The following NRXN1 variants were observed in gnomAD, a reference collection of about 807,000 sequenced individuals.
The protein encoded by NRXN1 is neurexin 1.
NRXN1 carries 39 observed loss-of-function variants against 150.9 expected under a neutral mutation model. The observed-to-expected ratio is 0.26, with a 90% CI of 0.20 to 0.34. NRXN1 has a LOEUF of 0.34. Among genes scored for constraint, NRXN1 ranks in the 10% least tolerant of loss-of-function variants. The pLI is 1.00. For synonymous variants in NRXN1, 924 were observed against 757.0 expected (o/e 1.22, Z -3.62); for missense variants, 1,815 against 1,949.9 (o/e 0.93, Z 1.30).
At chr2:49,959,622 T>C (rs1558584816) in intron 21 of NRXN1, among the ~76,000 whole-genome samples, 2 of 152,164 alleles carry the variant, frequency 1.3e-5, no homozygotes. Context: ...TGGTAGAACT[T>C]GTGTGATTTA....
At chr2:50,792,423 A>C (rs1263569759) in intron 5 of NRXN1, among the ~76,000 whole-genome samples, 2 of 152,066 alleles carry the variant, frequency 1.3e-5, no homozygotes, top group African/African-American at 4.8e-5. Flanking sequence ...ACCATTTAAT[A>C]TATTTTGAAG....
chr2:50,643,007 T>C (rs1684285944), intron 5 of NRXN1, among the ~76,000 whole-genome samples: 1 of 152,022 alleles, frequency 6.6e-6, no homozygotes, highest in South Asian at 2.1e-4. Context: ...TAAAATATTA[T>C]AAAGAGGCCT....
At chr2:50,608,026 G>A (rs1239830136) in intron 8 of NRXN1, among the ~76,000 whole-genome samples, 1 of 151,990 alleles carries the variant, frequency 6.6e-6, no homozygotes, top group Middle Eastern at 3.4e-3. Context: ...CTGGGGCCTG[G>A]GGGTAAATGA....
intron 5 of NRXN1, among the ~76,000 whole-genome samples, chr2:50,896,053 G>A (rs1681897901): frequency 1.3e-5 from 2 of 152,050 alleles, no homozygotes; most frequent in South Asian, 4.1e-4. Context: ...AAAAAGCCCT[G>A]ATAATGTGAA....
At chr2:50,182,720 C>G (rs1206766310) in intron 18 of NRXN1, among the ~76,000 whole-genome samples, 3 of 151,818 alleles carry the variant, frequency 2.0e-5, no homozygotes, top group Non-Finnish European at 4.4e-5. Context: ...CAGGGAGATA[C>G]AATAAAAATC....
At chr2:50,162,032 CA>C (rs1468433431) in intron 18 of NRXN1, among the ~76,000 whole-genome samples, 1 of 152,028 alleles carries the variant, frequency 6.6e-6, no homozygotes, top group Non-Finnish European at 1.5e-5. Flanking sequence ...TGACTTAATC[CA>C]ACCACTTGAT....
intron 5 of NRXN1, among the ~76,000 whole-genome samples, chr2:50,728,401 T>G (rs560174235): frequency 4.6e-5 from 7 of 152,264 alleles, no homozygotes; most frequent in African/African-American, 1.7e-4. Context: ...GAGTTTGAAT[T>G]GCACACAAAG....
intron 17 of NRXN1, among the ~76,000 whole-genome samples, chr2:50,293,490 A>G (rs1479332553): frequency 6.6e-6 from 1 of 152,152 alleles, no homozygotes; most frequent in African/African-American, 2.4e-5. Flanking sequence ...ACAGGGATCT[A>G]TGAAGCTATG....
chr2:50,842,099 C>A (rs1383734312), intron 5 of NRXN1, among the ~76,000 whole-genome samples: 1 of 152,200 alleles, frequency 6.6e-6, no homozygotes, highest in Non-Finnish European at 1.5e-5. Flanking sequence ...AAGTACCCAG[C>A]ATCTTTCTGG....
intron 17 of NRXN1, among the ~76,000 whole-genome samples, chr2:50,337,024 TTA>T (rs1355585016): frequency 6.6e-6 from 1 of 151,922 alleles, no homozygotes; most frequent in African/African-American, 2.4e-5. Context: ...TCAGAATAAA[TTA>T]TGTTTATTGA....
In NRXN1 at chr2:50,316,596, T is replaced by A. The variant is rs193260243; in HGVS notation, c.3365-79626A>T. On this transcript the variant is annotated intron_variant, in intron 17 of 22. Coordinates refer to ENST00000401669, the MANE Select transcript of NRXN1 (RefSeq NM_001330078.2). ...TCAACAAAGCAGATTTTATAACTGA[T>A]GTCATGTAATAAAATATGAAACCCA... Among the ~76,000 whole-genome samples, 202 of 152,158 alleles carry A rather than the reference T, an allele frequency of 1.3e-3. 1 individual carries two copies. The highest frequency in any genetic ancestry group is 4.8e-3 in the African/African-American group (198 of 41,536).
Position 50,171,114 on chromosome 2 carries a change from G to A in NRXN1, c.3546+65675C>T, listed in dbSNP as rs912347137. The stretch of plus-strand genomic sequence containing the variant: ...TTCATCCTTGTCAACTTCACATTCA[G>A]TAGGCTGAGGAAGAGAAGGAAGAGG... On this transcript the variant is annotated intron_variant, in intron 18 of 22. Coordinates refer to ENST00000401669, the MANE Select transcript of NRXN1 (RefSeq NM_001330078.2). 2.0e-5 allele frequency among the ~76,000 whole-genome samples: 3 copies of A among 152,184 alleles called. No homozygotes were observed. The East Asian group carries it at 5.8e-4, about 30-fold the overall frequency.
chr2:50,696,731 A>C (rs1383955749), intron 5 of NRXN1, among the ~76,000 whole-genome samples: 1 of 152,170 alleles, frequency 6.6e-6, no homozygotes, highest in East Asian at 1.9e-4. Context: ...AGAATACCTG[A>C]ATTTTCACAG....
intron 21 of NRXN1, among the ~76,000 whole-genome samples, chr2:50,051,701 G>C (rs1393919300): frequency 6.6e-6 from 1 of 152,036 alleles, no homozygotes; most frequent in African/African-American, 2.4e-5. Flanking sequence ...ATCCTAACGA[G>C]AGAAAATCAA....
At chr2:50,957,992 A>C (rs538302760) in intron 2 of NRXN1, among the ~76,000 whole-genome samples, 1 of 152,004 alleles carries the variant, frequency 6.6e-6, no homozygotes, top group South Asian at 2.1e-4. Context: ...ACCCCTCTCT[A>C]TTGTCTAAGG....
rs556293891 is a variant in NRXN1 at position 50,475,915 on chromosome 2, G to GGTGA, written c.3071-3448_3071-3445dup. Reference sequence around the variant, plus strand: ...CCCATTAGCACTAATGGGTCCTGCAGGTGAGTCCCTGTGCATGTGAAGGAG... The same window carrying GGTGA: ...CCCATTAGCACTAATGGGTCCTGCAGGTGAGTGAGTCCCTGTGCATGTGAAGGAG... On this transcript the variant is annotated intron_variant, in intron 15 of 22. Transcript: ENST00000401669. Among the ~76,000 whole-genome samples, 12 of 151,806 alleles carry GGTGA rather than the reference G, an allele frequency of 7.9e-5. No homozygotes were observed. The South Asian group carries it at 2.5e-3, about 32-fold the overall frequency.
At chr2:50,198,241 G>T (rs1336452562) in intron 18 of NRXN1, among the ~76,000 whole-genome samples, 1 of 152,112 alleles carries the variant, frequency 6.6e-6, no homozygotes, top group Non-Finnish European at 1.5e-5. Flanking sequence ...TGCAAACTTA[G>T]ATTGTTAGGA....
intron 17 of NRXN1, among the ~76,000 whole-genome samples, chr2:50,282,769 T>C (rs2152934641): frequency 6.6e-6 from 1 of 152,278 alleles, no homozygotes; most frequent in Middle Eastern, 3.4e-3. Flanking sequence ...AAAATTTTTT[T>C]CCACAATTTG....
At chr2:50,656,428 G>A (rs1319798919) in intron 5 of NRXN1, 4 of 769,064 alleles carry the variant, frequency 5.2e-6, no homozygotes, top group Admixed American at 1.7e-5. Context: ...AGTTTATAAA[G>A]TTCTAGAAGT....
Sources: allele counts gnomAD v4.1 joint callset (sites outside exome capture counted in the v4.1 genomes callset), GRCh38; gene constraint gnomAD v4.1.1; transcripts MANE v1.5; gene names NCBI Gene and HGNC (gene_info 2026-07-23, HGNC 2026-07-21).